Variants in ASTN2 observed in about 807,000 individuals in gnomAD.
The protein encoded by ASTN2 is astrotactin 2, also known as astrotactin-2.
ASTN2 carries 54 observed loss-of-function variants against 139.8 expected under a neutral mutation model. That is an observed-to-expected ratio of 0.39 (90% CI 0.31 to 0.48). The LOEUF is 0.48. ASTN2 is among the 20% of genes least tolerant of loss of function. The probability of loss-of-function intolerance (pLI) is 0.95; values close to 1 mark genes in which losing one functional copy is unlikely to be tolerated. For missense variants in ASTN2, 1,565 were observed against 1,725.1 expected, an observed-to-expected ratio of 0.91 and a Z score of 1.64; for synonymous variants, 756 against 719.5, an observed-to-expected ratio of 1.05 and a Z score of -0.81.
Position 117,024,318 on chromosome 9 carries a change from G to A in ASTN2, c.1423+15501C>T, listed in dbSNP as rs116630859. Among the ~76,000 whole-genome samples, 961 of 152,200 alleles carry A rather than the reference G, an allele frequency of 6.3e-3. 7 individuals carry two copies. Among genetic ancestry groups the A allele is most frequent in the African/African-American group, 0.022 (918 of 41,554 alleles). On this transcript the variant is annotated intron_variant, in intron 6 of 22. Coordinates refer to ENST00000313400, the MANE Select transcript of ASTN2 (RefSeq NM_001365068.1). ...CTACCTCATTGTCAAATCTTGTGAC[G>A]TAATTTTGGGTTTCAAAATAAAATT...
rs748911478 is a variant in ASTN2, at chr9:117,214,568, G to A, written c.805C>T (p.Arg269Cys). 13 of 1,610,542 alleles carry A rather than the reference G, an allele frequency of 8.1e-6. No homozygotes were observed. Among genetic ancestry groups the A allele is most frequent in the African/African-American group, 4.0e-5 (3 of 74,896 alleles). The change falls in exon 3 of 23, where the codon CGT becomes TGT. Residue 269 changes from arginine to cysteine, a missense_variant. Physicochemically the swap from Arg to Cys is radical, Grantham distance 180. Coordinates refer to ENST00000313400, the MANE Select transcript of ASTN2 (RefSeq NM_001365068.1). Reference protein sequence around the residue: ...LLGPQARESFRSSRLQTHNSV... With the variant: ...LLGPQARESFCSSRLQTHNSV... The stretch of plus-strand genomic sequence containing the variant: ...TTGTGGGTTTGCAGCCGGGATGAAC[G>A]GAAGCTCTCCCGCGCCTGGGGACCC...
At chr9:117,186,107 G>T (rs1288061891) in intron 3 of ASTN2, among the ~76,000 whole-genome samples, 1 of 152,140 alleles carries the variant, frequency 6.6e-6, no homozygotes, top group Non-Finnish European at 1.5e-5. Context: ...AGCCTCCTCT[G>T]CTTCGGTCTC....
chr9:117,323,651 C>A (rs1233326993), intron 1 of ASTN2, among the ~76,000 whole-genome samples: 1 of 152,134 alleles, frequency 6.6e-6, no homozygotes, highest in Non-Finnish European at 1.5e-5. Context: ...CACAAAGAAA[C>A]CTTCAGTATT....
At chr9:117,404,719 C>T (rs993616843) in intron 1 of ASTN2, among the ~76,000 whole-genome samples, 1 of 152,084 alleles carries the variant, frequency 6.6e-6, no homozygotes, top group Non-Finnish European at 1.5e-5. Context: ...TCCAGACACC[C>T]TGATCATTTC....
chr9:116,438,843 G>C (rs889550017), intron 22 of ASTN2, among the ~76,000 whole-genome samples: 2 of 152,080 alleles, frequency 1.3e-5, no homozygotes, highest in African/African-American at 4.8e-5. Context: ...CCAGCCACTT[G>C]GGAGGCTGAG....
At chr9:116,964,960 A>G (rs1417809122) in intron 10 of ASTN2, among the ~76,000 whole-genome samples, 1 of 152,232 alleles carries the variant, frequency 6.6e-6, no homozygotes, top group Admixed American at 6.5e-5. Context: ...AACCAAAGTT[A>G]TCGCTTCATT....
chr9:116,748,263 T>C (rs1454755908), intron 13 of ASTN2, among the ~76,000 whole-genome samples: 2 of 152,172 alleles, frequency 1.3e-5, no homozygotes, highest in Admixed American at 1.3e-4. Context: ...AAAGATGGCC[T>C]CCTTAACAGA....
At chr9:116,441,796 T>C (rs573509082) in intron 21 of ASTN2, among the ~76,000 whole-genome samples, 1 of 152,022 alleles carries the variant, frequency 6.6e-6, no homozygotes, top group South Asian at 2.1e-4. Flanking sequence ...CTAGACTTGA[T>C]GTAGAAACTG....
chr9:116,634,506 C>T (rs532807835), intron 17 of ASTN2, among the ~76,000 whole-genome samples: 1 of 145,406 alleles, frequency 6.9e-6, no homozygotes, highest in East Asian at 2.0e-4. Context: ...AGGAGAATGG[C>T]GTGAACCCGG....
intron 16 of ASTN2, among the ~76,000 whole-genome samples, chr9:116,690,979 G>T (rs1860537004): frequency 6.6e-6 from 1 of 152,110 alleles, no homozygotes; most frequent in South Asian, 2.1e-4. Flanking sequence ...GAGTGCAGTG[G>T]TGCAATCACA....
At chr9:116,512,113 C>T (rs1850415792) in intron 19 of ASTN2, among the ~76,000 whole-genome samples, 1 of 152,188 alleles carries the variant, frequency 6.6e-6, no homozygotes, top group Non-Finnish European at 1.5e-5. Flanking sequence ...AATTTTAGAT[C>T]TTTCCTGCTT....
At chr9:117,262,351 T>G (rs1245168126) in intron 2 of ASTN2, among the ~76,000 whole-genome samples, 1 of 152,216 alleles carries the variant, frequency 6.6e-6, no homozygotes, top group Non-Finnish European at 1.5e-5. Flanking sequence ...TCCTACCTAA[T>G]ACTGAATATT....
Position 117,282,037 on chromosome 9 carries a change from A to G in ASTN2, c.630+9289T>C, listed in dbSNP as rs558529915. ...TTTCCTGTTCTCTTCTCTCTGTATC[A>G]CTTCCTCCATGCTTTTTATTCTCTG... is the stretch of plus-strand genomic sequence containing the variant. On this transcript the variant is annotated intron_variant, in intron 2 of 22. Coordinates refer to ENST00000313400, the MANE Select transcript of ASTN2 (RefSeq NM_001365068.1). 2.0e-5 allele frequency among the ~76,000 whole-genome samples: 3 copies of G among 151,672 alleles called. No homozygotes were observed. In the South Asian group the frequency reaches 6.3e-4, roughly 32 times the overall value.
At chr9:116,880,595 C>A (rs1161444121) in intron 10 of ASTN2, among the ~76,000 whole-genome samples, 1 of 152,172 alleles carries the variant, frequency 6.6e-6, no homozygotes, top group African/African-American at 2.4e-5. Context: ...CATCTGTGAA[C>A]AAGTTGTGGT....
intron 13 of ASTN2, among the ~76,000 whole-genome samples, chr9:116,734,677 G>A (rs564198831): frequency 3.9e-5 from 6 of 152,222 alleles, no homozygotes; most frequent in Admixed American, 2.0e-4. Context: ...TCAGAAGCAC[G>A]AAAACAAAAA....
chr9:117,109,893 T>C (rs1320715016), intron 4 of ASTN2, among the ~76,000 whole-genome samples: 2 of 152,180 alleles, frequency 1.3e-5, no homozygotes, highest in Non-Finnish European at 2.9e-5. Flanking sequence ...CATCTTTTAG[T>C]TTCCTATACA....
intron 3 of ASTN2, among the ~76,000 whole-genome samples, chr9:117,200,678 A>G (rs1187791506): frequency 6.6e-6 from 1 of 152,164 alleles, no homozygotes; most frequent in Non-Finnish European, 1.5e-5. Context: ...TAATTTTCAT[A>G]TGTTGAACCA....
intron 12 of ASTN2, among the ~76,000 whole-genome samples, chr9:116,814,568 C>T (rs2132260562): frequency 6.6e-6 from 1 of 152,036 alleles, no homozygotes; most frequent in East Asian, 1.9e-4. Flanking sequence ...AAAAAAAAGA[C>T]TGCCAAATAA....
At chr9:116,597,299 A>ATTTTTGTTT (rs1554718677) in intron 19 of ASTN2, among the ~76,000 whole-genome samples, 781 of 75,514 alleles carry the variant, frequency 0.01, 81 homozygotes, top group African/African-American at 0.034. Context: ...CTTTTGATCT[A>ATTTTTGTTT]TTTTTTTTTT....
Sources: gnomAD v4.1 joint callset for allele counts (sites outside exome capture counted in the v4.1 genomes callset) on GRCh38, gnomAD v4.1.1 for gene constraint, MANE v1.5 for transcripts, NCBI Gene and HGNC (gene_info 2026-07-23, HGNC 2026-07-21) for gene names.